Variants in MYLK observed in about 807,000 individuals in gnomAD.
MYLK encodes myosin light chain kinase, smooth muscle.
Under a neutral mutation model 203.4 loss-of-function variants are expected in MYLK, and 106 were observed. The ratio of observed to expected loss-of-function variants is 0.52; its 90% CI spans 0.45 to 0.61. The LOEUF (loss-of-function observed/expected upper bound fraction) is 0.61. MYLK is among the 20% of genes least tolerant of loss of function. MYLK has a pLI of 0.00. For missense variants in MYLK, 2,072 were observed against 2,442.3 expected (o/e 0.85, Z 3.20); for synonymous variants, 867 against 959.5 (o/e 0.90, Z 1.78).
At chr3:123,639,259 C>T (rs941628419) in intron 28 of MYLK, among the ~76,000 whole-genome samples, 2 of 152,230 alleles carry the variant, frequency 1.3e-5, no homozygotes, top group Admixed American at 6.5e-5. Context: ...ATGCGCCCAG[C>T]GCCGAGGCAT....
At chr3:123,750,068 T>C (rs998313149) in intron 5 of MYLK, among the ~76,000 whole-genome samples, 5 of 152,216 alleles carry the variant, frequency 3.3e-5, no homozygotes, top group Non-Finnish European at 5.9e-5. Context: ...GAGTGGACTC[T>C]TTCAGGCCTA....
rs1245454023 is a variant in MYLK, at chr3:123,664,085, C to T, written c.3985+20G>A. The T allele has an allele frequency of 2.5e-6, 4 of 1,613,732 alleles. No homozygotes were observed. In the Admixed American group the frequency reaches 5.0e-5, roughly 20 times the overall value. On this transcript the variant is annotated intron_variant, in intron 23 of 33. Coordinates refer to ENST00000360304, the MANE Select transcript of MYLK (RefSeq NM_053025.4). Reference sequence around the variant, plus strand: ...CTTCCCCTTGCCCCAAGCTCCATGCCACCCAGCCACCAGACTCACCCACGA... The same window carrying T: ...CTTCCCCTTGCCCCAAGCTCCATGCTACCCAGCCACCAGACTCACCCACGA...
chr3:123,621,987 T>G (rs2057890728), intron 31 of MYLK: 1 of 152,298 alleles, frequency 6.6e-6, no homozygotes, highest in Non-Finnish European at 1.5e-5. Context: ...TTTCATGCTC[T>G]TCTGGGAGAT....
rs2057282440 is a variant in MYLK at position 123,612,839 on chromosome 3, T to C, written c.*1266A>G. ...AAGAAAAAAAAAGTATTTGGAATGT[T>C]ACACACACACACAGAGGAAATGTAT... On this transcript the variant is annotated 3_prime_UTR_variant, in exon 34 of 34. Transcript: ENST00000360304. 1 of 152,366 alleles carries C rather than the reference T, an allele frequency of 6.6e-6. No homozygotes were observed. Among genetic ancestry groups the C allele is most frequent in the Non-Finnish European group, 1.5e-5 (1 of 67,942 alleles). The allele number at this position is 152,366 out of a possible 1,614,324, so 9.4% of individuals were successfully genotyped here.
At chr3:123,664,399 C>T in intron 22 of MYLK, 141 bp from the exon 23 acceptor site, 6 of 1,185,150 alleles carry the variant, frequency 5.1e-6, no homozygotes, top group Non-Finnish European at 6.1e-6. Context: ...GGACTCTGCC[C>T]TTCTCCCTGA....
At chr3:123,632,251 C>A (rs1211298321) in intron 29 of MYLK, among the ~76,000 whole-genome samples, 2 of 152,070 alleles carry the variant, frequency 1.3e-5, no homozygotes, top group African/African-American at 4.8e-5. Context: ...CTCTGTGACC[C>A]CGACCCCCAC....
intron 3 of MYLK, among the ~76,000 whole-genome samples, chr3:123,805,146 T>C (rs1246561431): frequency 6.6e-6 from 1 of 152,150 alleles, no homozygotes; most frequent in East Asian, 1.9e-4. Flanking sequence ...CTGAAAGGCC[T>C]GGGGATACTT....
At chr3:123,737,335 C>T (rs747349347) in intron 8 of MYLK, 43 bp downstream of exon 8, 12 of 1,613,668 alleles carry the variant, frequency 7.4e-6, no homozygotes, top group Admixed American at 3.3e-5. Flanking sequence ...GGGTGCGGCA[C>T]CAGGCAGGGA....
chr3:123,659,229 C>T (rs1008844954), intron 23 of MYLK, among the ~76,000 whole-genome samples: 2 of 152,198 alleles, frequency 1.3e-5, no homozygotes, highest in Non-Finnish European at 2.9e-5. Context: ...CCAGAGAAGA[C>T]TGCCTGGAGA....
chr3:123,709,930 A>T, intron 13 of MYLK, 37 bp from the exon 14 acceptor site: 1 of 1,612,586 alleles, frequency 6.2e-7, no homozygotes, highest in Non-Finnish European at 8.5e-7. Context: ...GTGAACATTC[A>T]TGCATTCATT....
chr3:123,712,528 C>T (rs1375036361), intron 13 of MYLK, among the ~76,000 whole-genome samples: 1 of 152,242 alleles, frequency 6.6e-6, no homozygotes, highest in African/African-American at 2.4e-5. Context: ...GTTCTTCCCA[C>T]AGCCCCTGTT....
At chr3:123,840,991 G>A (rs749025853) in intron 2 of MYLK, among the ~76,000 whole-genome samples, 2 of 152,074 alleles carry the variant, frequency 1.3e-5, no homozygotes, top group South Asian at 2.1e-4. Flanking sequence ...GATGGAGTAC[G>A]AAGAAACAGA....
At chr3:123,857,286 C>G (rs1419107717) in intron 2 of MYLK, among the ~76,000 whole-genome samples, 2 of 152,100 alleles carry the variant, frequency 1.3e-5, no homozygotes, top group African/African-American at 4.8e-5. Flanking sequence ...ACCCAGTCAT[C>G]CCATTACTGG....
intron 23 of MYLK, 48 bp downstream of exon 23, chr3:123,664,057 T>C (rs2059654193): frequency 6.2e-7 from 1 of 1,612,574 alleles, no homozygotes; most frequent in Admixed American, 1.7e-5. Context: ...GGGGGCTCCC[T>C]GCCTTCCCCT....
intron 3 of MYLK, among the ~76,000 whole-genome samples, chr3:123,813,526 T>G (rs1190383355): frequency 7.9e-5 from 12 of 152,188 alleles, no homozygotes; most frequent in African/African-American, 2.9e-4. Flanking sequence ...CTTTTTTTTT[T>G]TTGAGATGGA....
intron 31 of MYLK, 104 bp from the exon 32 acceptor site, chr3:123,620,440 T>G: frequency 6.3e-7 from 1 of 1,594,058 alleles, no homozygotes; most frequent in Non-Finnish European, 8.5e-7. Flanking sequence ...GAAGCAGCTG[T>G]TCCCTGGAAC....
chr3:123,747,632 CT>C (rs2063062089), intron 5 of MYLK, among the ~76,000 whole-genome samples: 1 of 152,214 alleles, frequency 6.6e-6, no homozygotes, highest in Admixed American at 6.5e-5. Context: ...GAAATGCAGA[CT>C]CCCAGGCTCT....
rs535704793 is a variant in MYLK, at chr3:123,841,570, G to A, written c.-126-9900C>T. On this transcript the variant is annotated intron_variant, in intron 2 of 33. Transcript: ENST00000360304. ...ATTTTCTGTCAGTTCCTTTTTTTCC[G>A]TCTTCAGACATCCTCTCTTAAAAAT... Among the ~76,000 whole-genome samples the A allele has an allele frequency of 1.7e-4, 26 of 151,432 alleles. 1 individual carries two copies. In the South Asian group the frequency reaches 4.2e-3, roughly 24 times the overall value.
chr3:123,790,073 T>G (rs2064714475), intron 4 of MYLK, among the ~76,000 whole-genome samples: 1 of 152,218 alleles, frequency 6.6e-6, no homozygotes, highest in African/African-American at 2.4e-5. Context: ...GTCTCTTAGC[T>G]GCTGGTTCTT....
Sources: allele counts gnomAD v4.1 joint callset (sites outside exome capture counted in the v4.1 genomes callset), GRCh38; gene constraint gnomAD v4.1.1; transcripts MANE v1.5; gene names NCBI Gene and HGNC (gene_info 2026-07-23, HGNC 2026-07-21).